Variants in DIAPH3 observed in about 807,000 individuals in gnomAD.
The protein encoded by DIAPH3 is protein diaphanous homolog 3.
In DIAPH3, 117 loss-of-function variants were observed where a neutral mutation model predicts 144.3. That is an observed-to-expected ratio of 0.81 (90% CI 0.70 to 0.95). The LOEUF is 0.95. Ranked by LOEUF, DIAPH3 falls within the 40% of genes least tolerant of loss-of-function variation. The probability of loss-of-function intolerance (pLI) is 0.00; values close to 1 mark genes in which losing one functional copy is unlikely to be tolerated. For missense variants in DIAPH3, 1,421 were observed against 1,412.7 expected, an observed-to-expected ratio of 1.01 and a Z score of -0.09; for synonymous variants, 519 against 488.9, an observed-to-expected ratio of 1.06 and a Z score of -0.81.
chr13:59,878,103 T>TTAAAGATAGAAAC (rs1555324303), intron 21 of DIAPH3, among the ~76,000 whole-genome samples: 8 of 152,088 alleles, frequency 5.3e-5, no homozygotes, highest in Non-Finnish European at 4.4e-5. Context: ...ATCACATACA[T>TTAAAGATAGAAAC]TAAAGATAGA....
In DIAPH3 at chr13:59,737,933, G is replaced by A. The variant is rs534068084; in HGVS notation, c.3319+36256C>T. ...TATAATCCCAGCACTTTGGGAGGCCGAGGTGGGTGCATCAGTTGAAGTCAG... is the reference window on the plus strand; with the variant it reads ...TATAATCCCAGCACTTTGGGAGGCCAAGGTGGGTGCATCAGTTGAAGTCAG... On this transcript the variant is annotated intron_variant, in intron 27 of 27. Transcript: ENST00000400324. Among the ~76,000 whole-genome samples the A allele has an allele frequency of 3.3e-5, 5 of 152,248 alleles. 1 individual carries two copies. Among genetic ancestry groups the A allele is most frequent in the South Asian group, 2.1e-4 (1 of 4,818 alleles).
rs577128736 is a variant in DIAPH3, at chr13:59,712,372, CTGTT to C, written c.3320-45530_3320-45527del. ...CTCAGGAAACAAGAGACTCATCTGT[CTGTT>C]CAAGTCAGTAACTCAAGAGCCATAT... On this transcript the variant is annotated intron_variant, in intron 27 of 27. Transcript: ENST00000400324. 9.0e-4 allele frequency among the ~76,000 whole-genome samples: 137 copies of C among 152,332 alleles called. 1 individual carries two copies. Among genetic ancestry groups the C allele is most frequent in the African/African-American group, 3.2e-3 (134 of 41,580 alleles).
intron 22 of DIAPH3, among the ~76,000 whole-genome samples, chr13:59,854,532 T>C (rs892345051): frequency 4.6e-5 from 7 of 152,206 alleles, no homozygotes; most frequent in Admixed American, 1.3e-4. Flanking sequence ...CATTAATGTG[T>C]TTGCTCTATC....
chr13:59,953,840 G>A (rs1302649333), intron 17 of DIAPH3, among the ~76,000 whole-genome samples: 1 of 152,160 alleles, frequency 6.6e-6, no homozygotes, highest in Non-Finnish European at 1.5e-5. Context: ...TAAATCTGAA[G>A]ATAGTTTGCA....
chr13:59,935,435 A>T (rs943975733), intron 17 of DIAPH3, among the ~76,000 whole-genome samples: 1 of 152,222 alleles, frequency 6.6e-6, no homozygotes, highest in Non-Finnish European at 1.5e-5. Flanking sequence ...AATGGAGAAT[A>T]GGCAAACGAC....
At chr13:59,970,722 T>A (rs1438986170) in intron 16 of DIAPH3, 130 bp downstream of exon 16, 4 of 816,530 alleles carry the variant, frequency 4.9e-6, no homozygotes, top group Admixed American at 6.5e-5. Context: ...ATTAGTGACA[T>A]TAGAAATTAT....
intron 19 of DIAPH3, among the ~76,000 whole-genome samples, chr13:59,914,703 AG>A: frequency 6.6e-6 from 1 of 152,296 alleles, no homozygotes; most frequent in East Asian, 1.9e-4. Flanking sequence ...TGGAAGATGA[AG>A]GAATGGTTCT....
intron 27 of DIAPH3, among the ~76,000 whole-genome samples, chr13:59,707,985 T>TAAAA (rs34813239): frequency 7.0e-6 from 1 of 142,718 alleles, no homozygotes. Flanking sequence ...CTCTCATCTT[T>TAAAA]AAAAAAAAAA....
intron 17 of DIAPH3, among the ~76,000 whole-genome samples, chr13:59,930,447 C>T (rs1200038846): frequency 6.6e-6 from 1 of 152,008 alleles, no homozygotes; most frequent in East Asian, 1.9e-4. Flanking sequence ...CTAAGCAAAG[C>T]TTGAAAGGAA....
chr13:59,997,850 T>C (rs2052299104), intron 9 of DIAPH3, among the ~76,000 whole-genome samples: 1 of 152,080 alleles, frequency 6.6e-6, no homozygotes, highest in South Asian at 2.1e-4. Context: ...AAATCGTGGC[T>C]CTACAATGCA....
In DIAPH3 at chr13:59,738,278, C is replaced by A. The variant is rs2036265481; in HGVS notation, c.3319+35911G>T. 3.3e-5 allele frequency among the ~76,000 whole-genome samples: 5 copies of A among 152,140 alleles called. No homozygotes were observed. The South Asian group carries it at 1.0e-3, about 32-fold the overall frequency. Reference sequence around the variant, plus strand: ...GGCCTGGGGTCATCTTAGTAGAGATCCTGCTCAAGAAGGTGGCCTGCCAAA... The same window carrying A: ...GGCCTGGGGTCATCTTAGTAGAGATACTGCTCAAGAAGGTGGCCTGCCAAA... On this transcript the variant is annotated intron_variant, in intron 27 of 27. Coordinates refer to ENST00000400324, the MANE Select transcript of DIAPH3 (RefSeq NM_001042517.2).
At chr13:59,861,344 T>C (rs1014487795) in intron 22 of DIAPH3, 63 bp downstream of exon 22, 1 of 1,611,974 alleles carries the variant, frequency 6.2e-7, no homozygotes, top group South Asian at 1.1e-5. Flanking sequence ...ATAAAAGGTA[T>C]AATTTTCAGT....
intron 12 of DIAPH3, among the ~76,000 whole-genome samples, chr13:59,990,395 A>G (rs540764399): frequency 6.6e-6 from 1 of 152,066 alleles, no homozygotes; most frequent in African/African-American, 2.4e-5. Flanking sequence ...AAAAACACCC[A>G]AAGTATAAGA....
intron 17 of DIAPH3, among the ~76,000 whole-genome samples, chr13:59,944,787 G>A (rs1535794): frequency 4.1e-5 from 4 of 98,042 alleles, no homozygotes; most frequent in Non-Finnish European, 7.3e-5. Context: ...CTGTGTGTTA[G>A]AAAAAAAGGG....
chr13:59,969,682 A>G (rs1346392011), intron 17 of DIAPH3, among the ~76,000 whole-genome samples: 1 of 152,180 alleles, frequency 6.6e-6, no homozygotes, highest in Non-Finnish European at 1.5e-5. Context: ...ACAAAAGTCT[A>G]ATTTATCCCA....
intron 27 of DIAPH3, among the ~76,000 whole-genome samples, chr13:59,718,415 AAT>A (rs1308496512): frequency 6.6e-6 from 1 of 152,236 alleles, no homozygotes; most frequent in Non-Finnish European, 1.5e-5. Context: ...CAGAAACAGC[AAT>A]AGTGTTTTAA....
At chr13:59,757,397 T>A (rs1417317185) in intron 27 of DIAPH3, among the ~76,000 whole-genome samples, 4 of 130,308 alleles carry the variant, frequency 3.1e-5, no homozygotes, top group Non-Finnish European at 6.6e-5. Flanking sequence ...TCATCCTTTT[T>A]TTTTTTTTTT....
chr13:60,031,569 T>C (rs1023515378), intron 5 of DIAPH3, among the ~76,000 whole-genome samples: 10 of 152,134 alleles, frequency 6.6e-5, no homozygotes, highest in African/African-American at 2.4e-4. Context: ...GAGTCCCTTT[T>C]ACTTACAAGC....
At chr13:59,897,401 C>A (rs1425297648) in intron 20 of DIAPH3, among the ~76,000 whole-genome samples, 1 of 152,088 alleles carries the variant, frequency 6.6e-6, no homozygotes, top group Non-Finnish European at 1.5e-5. Context: ...GCTAAAGAAT[C>A]GTAGAATAGT....
Sources: allele counts gnomAD v4.1 joint callset (sites outside exome capture counted in the v4.1 genomes callset), GRCh38; gene constraint gnomAD v4.1.1; transcripts MANE v1.5; gene names NCBI Gene and HGNC (gene_info 2026-07-23, HGNC 2026-07-21).